ARL17B: variants seen among roughly 807,000 people sequenced by gnomAD.
The protein encoded by ARL17B is ADP-ribosylation factor-like protein 17.
intron 4 of ARL17B, among the ~76,000 whole-genome samples, chr17:46,284,224 A>G (rs1322042179): frequency 3.3e-5 from 5 of 152,258 alleles, no homozygotes; most frequent in Non-Finnish European, 4.4e-5. Context: ...ATTTCAGACT[A>G]TCACATGGGG....
Position 46,316,598 on chromosome 17 carries a change from GT to G in ARL17B, c.260-16934del, listed in dbSNP as rs1206504241. On this transcript the variant is annotated intron_variant, in intron 3 of 4. Coordinates refer to the ARL17B transcript ENST00000434041. ...CTACAGGCATGCACCACCATGCCCA[GT>G]TTTTTTTGTTTTTGTTTTTTTTAAT... Among the ~76,000 whole-genome samples the G allele has an allele frequency of 8.4e-5, 6 of 71,174 alleles. 1 individual carries two copies. The highest frequency in any genetic ancestry group is 1.5e-4 in the Admixed American group (1 of 6,696). The allele number at this position is 71,174 out of a possible 152,430, so 46.7% of individuals were successfully genotyped here.
chr17:46,285,499 A>T (rs2732620), intron 4 of ARL17B, among the ~76,000 whole-genome samples: 1 of 150,962 alleles, frequency 6.6e-6, no homozygotes, highest in African/African-American at 2.4e-5. Context: ...CTCAGCCCCC[A>T]CAAAGTGCTG....
intron 4 of ARL17B, among the ~76,000 whole-genome samples, chr17:46,277,557 T>C (rs1485612866): frequency 3.3e-5 from 5 of 152,220 alleles, no homozygotes; most frequent in Non-Finnish European, 7.3e-5. Context: ...CTGTCCTACC[T>C]TAACTCCCTC....
intron 4 of ARL17B, among the ~76,000 whole-genome samples, chr17:46,288,536 G>A (rs878978312): frequency 6.6e-6 from 1 of 151,910 alleles, no homozygotes; most frequent in African/African-American, 2.4e-5. Context: ...GACTTCAGGC[G>A]ATCCACCTGC....
chr17:46,350,576 G>A (rs75309040), intron 3 of ARL17B, among the ~76,000 whole-genome samples: 9,397 of 78,688 alleles, frequency 0.12, 2,190 homozygotes, highest in African/African-American at 0.35. Context: ...AAAAAAAAAA[G>A]GGGGGGGGAG....
chr17:46,289,481 T>G (rs1335566377), intron 4 of ARL17B, among the ~76,000 whole-genome samples: 1 of 152,144 alleles, frequency 6.6e-6, no homozygotes, highest in African/African-American at 2.4e-5. Flanking sequence ...CATAAGAATA[T>G]TTCTTAAAAT....
intron 3 of ARL17B, among the ~76,000 whole-genome samples, chr17:46,340,093 T>G (rs1009722090): frequency 7.2e-5 from 7 of 97,826 alleles, no homozygotes; most frequent in Non-Finnish European, 1.4e-4. Flanking sequence ...ATGTTTTCAC[T>G]GGAATGAAAG....
At chr17:46,275,847 C>A (rs1235326547) in intron 4 of ARL17B, among the ~76,000 whole-genome samples, 1 of 151,808 alleles carries the variant, frequency 6.6e-6, no homozygotes, top group African/African-American at 2.4e-5. Context: ...TCATATTTTT[C>A]TATTAAAGTC....
At chr17:46,287,365 A>G (rs926079990) in intron 4 of ARL17B, among the ~76,000 whole-genome samples, 1 of 152,288 alleles carries the variant, frequency 6.6e-6, no homozygotes, top group Non-Finnish European at 1.5e-5. Context: ...AGCCATTTCA[A>G]TATCAGGGCT....
intron 3 of ARL17B, among the ~76,000 whole-genome samples, chr17:46,342,656 G>A (rs1399058847): frequency 3.6e-5 from 1 of 27,936 alleles, no homozygotes; most frequent in Non-Finnish European, 6.0e-5. Context: ...TTTTTTTTTT[G>A]AGACAGTCTC....
chr17:46,276,230 C>T (rs1159897146), intron 4 of ARL17B, among the ~76,000 whole-genome samples: 2 of 152,210 alleles, frequency 1.3e-5, no homozygotes, highest in African/African-American at 4.8e-5. Context: ...TGTACAGTTA[C>T]CAGGACTAAG....
At chr17:46,281,097 A>G (rs1228196655) in intron 4 of ARL17B, among the ~76,000 whole-genome samples, 1 of 152,128 alleles carries the variant, frequency 6.6e-6, no homozygotes, top group African/African-American at 2.4e-5. Context: ...CTTGTTTTAT[A>G]GATTGTCTGT....
chr17:46,356,018 G>GC (rs2052902081), intron 2 of ARL17B, among the ~76,000 whole-genome samples: 1 of 138,414 alleles, frequency 7.2e-6, no homozygotes, highest in African/African-American at 2.8e-5. Flanking sequence ...TCAGCTCACT[G>GC]CAACCTGTGC....
At chr17:46,304,665 A>G (rs1300089301) in intron 3 of ARL17B, among the ~76,000 whole-genome samples, 1 of 59,184 alleles carries the variant, frequency 1.7e-5, no homozygotes, top group Non-Finnish European at 5.3e-5. Flanking sequence ...TTAAAGCAAT[A>G]CAAAACCAAA....
downstream of ARL17B, chr17:46,332,831 G>A (rs1174266602): frequency 5.0e-6 from 2 of 402,902 alleles, 1 homozygote; most frequent in African/African-American, 4.2e-5. Context: ...TATATTTCAG[G>A]ATTTTTAAAG....
intron 3 of ARL17B, among the ~76,000 whole-genome samples, chr17:46,343,228 G>GT (rs1384118174): frequency 8.3e-6 from 1 of 120,564 alleles, no homozygotes; most frequent in Non-Finnish European, 1.7e-5. Context: ...GCCCCCAGAA[G>GT]TGACTATTCA....
intron 4 of ARL17B, among the ~76,000 whole-genome samples, chr17:46,289,415 C>T (rs576187776): frequency 1.3e-5 from 2 of 150,328 alleles, no homozygotes; most frequent in East Asian, 3.9e-4. Flanking sequence ...AAGTGATCTG[C>T]CTGCCTTTGC....
At chr17:46,317,234 G>A (rs1249435787) in intron 3 of ARL17B, among the ~76,000 whole-genome samples, 4 of 80,596 alleles carry the variant, frequency 5.0e-5, no homozygotes, top group Admixed American at 1.3e-4. Flanking sequence ...TTACTCTATT[G>A]CCAGTGCTGG....
intron 4 of ARL17B, among the ~76,000 whole-genome samples, chr17:46,285,247 T>C: frequency 6.6e-6 from 1 of 151,096 alleles, no homozygotes; most frequent in Non-Finnish European, 1.5e-5. Context: ...TTTCCTTTTT[T>C]TTTTTTTTTT....
Sources: gnomAD v4.1 joint callset for allele counts (sites outside exome capture counted in the v4.1 genomes callset) on GRCh38, gnomAD v4.1.1 for gene constraint, MANE v1.5 for transcripts, NCBI Gene and HGNC (gene_info 2026-07-23, HGNC 2026-07-21) for gene names.